The following DLC1 variants were observed in gnomAD, a reference collection of about 807,000 sequenced individuals.
DLC1 encodes rho GTPase-activating protein 7.
A neutral mutation model predicts 140.3 loss-of-function variants in DLC1; 54 were observed. The ratio of observed to expected loss-of-function variants is 0.38; its 90% confidence interval spans 0.31 to 0.48. The LOEUF (loss-of-function observed/expected upper bound fraction) is 0.48, where lower values mean the gene tolerates loss of function less well. DLC1 is among the 20% of genes least tolerant of loss of function. DLC1 has a pLI of 0.96. For synonymous variants in DLC1, 986 were observed against 728.1 expected, an observed-to-expected ratio of 1.35 and a Z score of -5.70; for missense variants, 2,536 against 1,907.0, an observed-to-expected ratio of 1.33 and a Z score of -6.14.
At chr8:13,182,626 GT>G (rs1315840197) in intron 5 of DLC1, among the ~76,000 whole-genome samples, 3 of 152,106 alleles carry the variant, frequency 2.0e-5, no homozygotes, top group African/African-American at 7.2e-5. Context: ...AGATCAGATG[GT>G]TGTAGATGTG....
intron 1 of DLC1, among the ~76,000 whole-genome samples, chr8:13,582,633 A>G (rs1805146978): frequency 2.0e-5 from 3 of 152,024 alleles, no homozygotes; most frequent in East Asian, 3.9e-4. Flanking sequence ...TAGCCTGCAA[A>G]CGGCCTATTG....
intron 1 of DLC1, among the ~76,000 whole-genome samples, chr8:13,540,869 T>C (rs1378701891): frequency 1.3e-5 from 2 of 152,192 alleles, no homozygotes; most frequent in East Asian, 3.9e-4. Flanking sequence ...GTTCAGATTG[T>C]CCTCTCAAGA....
chr8:13,553,283 A>G (rs1365828506), intron 1 of DLC1, among the ~76,000 whole-genome samples: 1 of 130,646 alleles, frequency 7.7e-6, no homozygotes, highest in Non-Finnish European at 1.6e-5. Flanking sequence ...TTTTAGATGA[A>G]CTTTCTGTGC....
chr8:13,457,231 AT>A (rs1799432096), intron 2 of DLC1, among the ~76,000 whole-genome samples: 2 of 152,174 alleles, frequency 1.3e-5, no homozygotes, highest in South Asian at 4.1e-4. Flanking sequence ...AAGACAAATT[AT>A]TTTAAAAGCC....
chr8:13,594,280 G>A (rs1354034622), intron 1 of DLC1, among the ~76,000 whole-genome samples: 1 of 152,042 alleles, frequency 6.6e-6, no homozygotes, highest in Non-Finnish European at 1.5e-5. Context: ...TGAAGTATAG[G>A]CCTTTTTATT....
At chr8:13,409,555 T>G (rs1357295214) in intron 2 of DLC1, among the ~76,000 whole-genome samples, 1 of 152,196 alleles carries the variant, frequency 6.6e-6, no homozygotes, top group Non-Finnish European at 1.5e-5. Flanking sequence ...CTAAACATTT[T>G]TATCTGAAAT....
At chr8:13,401,404 G>C (rs1837289603) in intron 3 of DLC1, 66 bp downstream of exon 3, 1 of 1,565,476 alleles carries the variant, frequency 6.4e-7, no homozygotes, top group Non-Finnish European at 8.7e-7. Context: ...GCCTTTGCAA[G>C]AGGGACTGTA....
intron 5 of DLC1, among the ~76,000 whole-genome samples, chr8:13,204,796 C>T (rs1827573148): frequency 6.6e-6 from 1 of 152,196 alleles, no homozygotes; most frequent in African/African-American, 2.4e-5. Context: ...CCATTCCATT[C>T]ATTTATTAAC....
chr8:13,243,655 T>A (rs17127602), intron 5 of DLC1, among the ~76,000 whole-genome samples: 1,980 of 152,304 alleles, frequency 0.013, 59 homozygotes, highest in African/African-American at 0.046. Context: ...GTCACTGTTG[T>A]ACTAAAAATT....
chr8:13,260,815 G>A (rs1371579407), intron 5 of DLC1, among the ~76,000 whole-genome samples: 1 of 152,282 alleles, frequency 6.6e-6, no homozygotes, highest in South Asian at 2.1e-4. Flanking sequence ...GATTCAAATA[G>A]CTTCTGGGTA....
At chr8:13,472,267 G>C (rs11783108) in intron 2 of DLC1, among the ~76,000 whole-genome samples, 70,023 of 151,970 alleles carry the variant, frequency 0.46, 16,260 homozygotes, top group African/African-American at 0.47. Flanking sequence ...GCTGTTCTCA[G>C]TACAGATTTA....
At chr8:13,575,781 T>C (rs1027955654) in intron 1 of DLC1, among the ~76,000 whole-genome samples, 22 of 152,264 alleles carry the variant, frequency 1.4e-4, no homozygotes, top group Admixed American at 5.9e-4. Context: ...AGCCCAGCAT[T>C]GTGTATTTTG....
intron 5 of DLC1, among the ~76,000 whole-genome samples, chr8:13,193,848 T>A (rs1204148688): frequency 6.6e-6 from 1 of 152,142 alleles, no homozygotes; most frequent in Non-Finnish European, 1.5e-5. Context: ...CAACCAACAA[T>A]CCATTTCAAA....
intron 1 of DLC1, among the ~76,000 whole-genome samples, chr8:13,503,377 C>T (rs762253147): frequency 3.9e-5 from 6 of 151,956 alleles, no homozygotes; most frequent in Non-Finnish European, 8.8e-5. Context: ...GCACTCTTGC[C>T]TGGGTGATAG....
At chr8:13,405,933 C>CTTTA (rs1208483568) in intron 2 of DLC1, among the ~76,000 whole-genome samples, 3 of 86,826 alleles carry the variant, frequency 3.5e-5, no homozygotes, top group Non-Finnish European at 4.7e-5. Flanking sequence ...TTCTTTCTTT[C>CTTTA]TTTCTTTCTT....
intron 1 of DLC1, among the ~76,000 whole-genome samples, chr8:13,545,012 C>T (rs1338930733): frequency 1.3e-5 from 2 of 152,088 alleles, no homozygotes; most frequent in African/African-American, 4.8e-5. Flanking sequence ...GCAGCCCTGT[C>T]CACAGGGGCT....
rs188696502 is a variant in DLC1, at chr8:13,384,000, A to G, written c.1314+9553T>C. 5.6e-3 allele frequency among the ~76,000 whole-genome samples: 858 copies of G among 152,312 alleles called. 6 individuals carry two copies. Among genetic ancestry groups the G allele is most frequent in the African/African-American group, 0.019 (790 of 41,562 alleles). On this transcript the variant is annotated intron_variant, in intron 4 of 17. Transcript: ENST00000276297. ...CCCCCTCTTAATTTAATGGCTTAAA[A>G]CAGTACTAATCATCAATTATGTTCC...
At chr8:13,189,532 T>A (rs534375832) in intron 5 of DLC1, among the ~76,000 whole-genome samples, 1 of 152,100 alleles carries the variant, frequency 6.6e-6, no homozygotes, top group South Asian at 2.1e-4. Context: ...AATGCAACTG[T>A]AATCAAGTAA....
chr8:13,589,491 G>T (rs2117468919), intron 1 of DLC1, among the ~76,000 whole-genome samples: 1 of 152,072 alleles, frequency 6.6e-6, no homozygotes, highest in East Asian at 1.9e-4. Flanking sequence ...GGGAAAGTTG[G>T]CTTGTGTTGA....
Sources: allele counts gnomAD v4.1 joint callset (sites outside exome capture counted in the v4.1 genomes callset), GRCh38; gene constraint gnomAD v4.1.1; transcripts MANE v1.5; gene names NCBI Gene and HGNC (gene_info 2026-07-23, HGNC 2026-07-21).